Variants in THEMIS observed in about 807,000 individuals in gnomAD.
The protein encoded by THEMIS is protein THEMIS.
A neutral mutation model predicts 52.6 loss-of-function variants in THEMIS; 37 were observed. The observed-to-expected ratio is 0.70, with a 90% CI of 0.54 to 0.93. The LOEUF is 0.93. THEMIS is among the 40% of genes least tolerant of loss of function. THEMIS has a pLI of 0.00. For missense variants in THEMIS, 808 were observed against 763.1 expected, an observed-to-expected ratio of 1.06 and a Z score of -0.69; for synonymous variants, 292 against 272.7, an observed-to-expected ratio of 1.07 and a Z score of -0.70.
Position 127,813,659 on chromosome 6 carries a change from G to C in THEMIS, c.982C>G (p.Pro328Ala), listed in dbSNP as rs1451194273. 6.2e-7 allele frequency: 1 copy of C among 1,613,970 alleles called. No individual in the cohort carries two copies. The highest frequency in any genetic ancestry group is 8.5e-7 in the Non-Finnish European group (1 of 1,179,992). Residue 328 changes from proline (P) to alanine (A), a missense_variant, in exon 4 of 6, where the codon CCT becomes GCT. Pro to Ala is a conservative substitution (Grantham distance 27, BLOSUM62 -1). Coordinates refer to ENST00000368248, the MANE Select transcript of THEMIS (RefSeq NM_001010923.3). ...ILASEIRSNF[P>A]KRHFLIPTSY... The stretch of plus-strand genomic sequence containing the variant: ...GTGGGGATCAAGAAGTGTCTTTTAG[G>C]AAAATTGCTTCTAATTTCTGAAGCT...
rs184535773 is a variant in THEMIS at position 127,821,679 on chromosome 6, C to G, written c.710-7748G>C. ...ATGTGGTGCTTTTCTATATTTGCCA[C>G]TGTAACAACCCTCTTAACTAAGTTT... On this transcript the variant is annotated intron_variant, in intron 3 of 5. Coordinates refer to ENST00000368248, the MANE Select transcript of THEMIS (RefSeq NM_001010923.3). Among the ~76,000 whole-genome samples, 60 of 151,906 alleles carry G rather than the reference C, an allele frequency of 3.9e-4. No individual in the cohort carries two copies. The East Asian group carries it at 0.011, about 27-fold the overall frequency.
At chr6:127,753,549 T>C (rs994301584) in intron 4 of THEMIS, among the ~76,000 whole-genome samples, 4 of 151,960 alleles carry the variant, frequency 2.6e-5, no homozygotes, top group African/African-American at 7.2e-5. Flanking sequence ...ATTAATGTAT[T>C]AGAAGAAATA....
chr6:127,819,288 G>GA lies in THEMIS; in HGVS notation c.710-5358dup, dbSNP rs935704106. Among the ~76,000 whole-genome samples the GA allele has an allele frequency of 4.4e-4, 66 of 151,540 alleles. 1 individual carries two copies. The highest frequency in any genetic ancestry group is 1.0e-3 in the South Asian group (5 of 4,806). ...ACCAAACCAAAAAAGAAAAAGAAAT[G>GA]AAAAAAATAGAACATAATATAATAT... is the stretch of plus-strand genomic sequence containing the variant. On this transcript the variant is annotated intron_variant, in intron 3 of 5. Coordinates refer to ENST00000368248, the MANE Select transcript of THEMIS (RefSeq NM_001010923.3).
chr6:127,700,816 G>A, the THEMIS span, among the ~76,000 whole-genome samples: 2 of 151,790 alleles, frequency 1.3e-5, no homozygotes, highest in South Asian at 2.1e-4. Context: ...CCCTTATGTC[G>A]TTTTTCCTCC....
At chr6:127,894,775 C>T (rs1337783565) in intron 1 of THEMIS, among the ~76,000 whole-genome samples, 2 of 151,390 alleles carry the variant, frequency 1.3e-5, no homozygotes, top group African/African-American at 2.4e-5. Context: ...GATGTTAAAC[C>T]TACTTTTAGA....
chr6:127,713,781 C>T (rs957588687), intron 5 of THEMIS, among the ~76,000 whole-genome samples: 1 of 151,710 alleles, frequency 6.6e-6, no homozygotes, highest in East Asian at 1.9e-4. Flanking sequence ...AGCTATGAGG[C>T]CAACATATCC....
intron 4 of THEMIS, among the ~76,000 whole-genome samples, chr6:127,741,680 C>A (rs1051422005): frequency 6.6e-6 from 1 of 152,170 alleles, no homozygotes; most frequent in Non-Finnish European, 1.5e-5. Context: ...TCCTTTGCTG[C>A]ATCAGCTTAT....
Position 127,813,634 on chromosome 6 carries a change from G to A in THEMIS, c.1007C>T (p.Thr336Ile), listed in dbSNP as rs772403889. The A allele has an allele frequency of 6.2e-7, 1 of 1,614,142 alleles. No homozygotes were observed. Among genetic ancestry groups the A allele is most frequent in the Non-Finnish European group, 8.5e-7 (1 of 1,180,012 alleles). Residue 336 changes from threonine to isoleucine, a missense_variant, in exon 4 of 6, where the codon ACT becomes ATT. Physicochemically the swap from Thr to Ile is moderately conservative, Grantham distance 89. Transcript: ENST00000368248. ...CCGCTTGAACTTGCCTTTATAGCTAGTGGGGATCAAGAAGTGTCTTTTAGG... is the reference window on the plus strand; with the variant it reads ...CCGCTTGAACTTGCCTTTATAGCTAATGGGGATCAAGAAGTGTCTTTTAGG... ...NFPKRHFLIP[T>I]SYKGKFKRRP...
chr6:127,768,866 G>T (rs550214103), intron 4 of THEMIS, among the ~76,000 whole-genome samples: 321 of 152,200 alleles, frequency 2.1e-3, no homozygotes, highest in Non-Finnish European at 3.7e-3. Context: ...AATCCTTTTG[G>T]CTTCCCTGTT....
intron 4 of THEMIS, among the ~76,000 whole-genome samples, chr6:127,795,520 G>A (rs747803271): frequency 2.0e-5 from 3 of 152,098 alleles, no homozygotes; most frequent in Non-Finnish European, 4.4e-5. Flanking sequence ...AGTAAAGATG[G>A]GGTTTCACCT....
chr6:127,913,560 C>T (rs1336047625), intron 1 of THEMIS, among the ~76,000 whole-genome samples: 1 of 152,194 alleles, frequency 6.6e-6, no homozygotes, highest in Non-Finnish European at 1.5e-5. Context: ...TACCTACATT[C>T]TTACCTTCTC....
At chr6:127,718,502 GAGA>G (rs1774249436) in intron 5 of THEMIS, among the ~76,000 whole-genome samples, 1 of 151,878 alleles carries the variant, frequency 6.6e-6, no homozygotes, top group Non-Finnish European at 1.5e-5. Context: ...TCACATACAA[GAGA>G]AGATTAGATA....
At chr6:127,742,900 AC>A (rs1222194520) in intron 4 of THEMIS, among the ~76,000 whole-genome samples, 3 of 152,190 alleles carry the variant, frequency 2.0e-5, no homozygotes, top group African/African-American at 7.2e-5. Flanking sequence ...GTAACTGTAT[AC>A]CTTTAAATAT....
intron 4 of THEMIS, among the ~76,000 whole-genome samples, chr6:127,783,640 C>T (rs1776823395): frequency 6.6e-6 from 1 of 152,186 alleles, no homozygotes; most frequent in Non-Finnish European, 1.5e-5. Flanking sequence ...AACAAAAGCT[C>T]ATCATCAATG....
At chr6:127,806,763 A>G (rs1374167034) in intron 4 of THEMIS, among the ~76,000 whole-genome samples, 1 of 152,192 alleles carries the variant, frequency 6.6e-6, no homozygotes, top group African/African-American at 2.4e-5. Flanking sequence ...CTAGAGCAAA[A>G]CTAAAATTCA....
intron 4 of THEMIS, among the ~76,000 whole-genome samples, chr6:127,772,734 G>C (rs1457177508): frequency 1.3e-5 from 2 of 151,976 alleles, no homozygotes; most frequent in Admixed American, 6.6e-5. Context: ...TCCCTTAAAA[G>C]AAAACAAATA....
At chr6:127,781,915 G>C (rs669722) in intron 4 of THEMIS, among the ~76,000 whole-genome samples, 72,188 of 152,042 alleles carry the variant, frequency 0.47, 18,092 homozygotes, top group Non-Finnish European at 0.53. Context: ...TAGCAGAGCT[G>C]AAGCACTGTG....
chr6:127,894,710 A>C (rs1780911413), intron 1 of THEMIS, among the ~76,000 whole-genome samples: 2 of 151,662 alleles, frequency 1.3e-5, no homozygotes, highest in African/African-American at 4.8e-5. Flanking sequence ...CTTCTTTTCA[A>C]AAAAATTCCA....
chr6:127,841,889 G>C (rs1293223290), intron 2 of THEMIS, among the ~76,000 whole-genome samples: 2 of 152,048 alleles, frequency 1.3e-5, no homozygotes, highest in Non-Finnish European at 2.9e-5. Context: ...GCTTAAGTGA[G>C]CACAGTGGGA....
Sources: gnomAD v4.1 joint callset for allele counts (sites outside exome capture counted in the v4.1 genomes callset) on GRCh38, gnomAD v4.1.1 for gene constraint, MANE v1.5 for transcripts, NCBI Gene and HGNC (gene_info 2026-07-23, HGNC 2026-07-21) for gene names.